The following TMEM132D variants were observed in gnomAD, a reference collection of about 807,000 sequenced individuals.
The protein encoded by TMEM132D is transmembrane protein 132D.
Under a neutral mutation model 62.3 loss-of-function variants are expected in TMEM132D, and 21 were observed. That is an observed-to-expected ratio of 0.34 (90% CI 0.24 to 0.49). The LOEUF (loss-of-function observed/expected upper bound fraction) is 0.49, where lower values mean the gene tolerates loss of function less well. TMEM132D is among the 20% of genes least tolerant of loss of function. The probability of loss-of-function intolerance (pLI) is 0.99; values close to 1 mark genes in which losing one functional copy is unlikely to be tolerated. For synonymous variants in TMEM132D, 621 were observed against 575.6 expected (o/e 1.08, Z -1.13); for missense variants, 1,346 against 1,402.8 (o/e 0.96, Z 0.65).
At chr12:129,749,783 G>T (rs1384895449) in intron 1 of TMEM132D, among the ~76,000 whole-genome samples, 1 of 152,022 alleles carries the variant, frequency 6.6e-6, no homozygotes, top group Non-Finnish European at 1.5e-5. Context: ...CTCTCTTAAT[G>T]GGTGAAACTT....
intron 1 of TMEM132D, among the ~76,000 whole-genome samples, chr12:129,877,577 G>A (rs1366212652): frequency 2.0e-5 from 3 of 151,970 alleles, no homozygotes; most frequent in Admixed American, 6.6e-5. Context: ...TGAGAATAGC[G>A]GCTTAATAAT....
chr12:129,679,510 C>G (rs553612382), intron 2 of TMEM132D, among the ~76,000 whole-genome samples: 29 of 152,066 alleles, frequency 1.9e-4, no homozygotes, highest in African/African-American at 7.0e-4. Context: ...AGAATGTATT[C>G]CTATATTGGA....
At chr12:129,413,624 T>C (rs12228833) in intron 3 of TMEM132D, among the ~76,000 whole-genome samples, 106,747 of 151,976 alleles carry the variant, frequency 0.7, 37,561 homozygotes, top group East Asian at 0.77. Flanking sequence ...GGCAAGCACC[T>C]TCCTAGTAAC....
At chr12:129,431,015 A>G (rs1204560423) in intron 3 of TMEM132D, among the ~76,000 whole-genome samples, 2 of 152,224 alleles carry the variant, frequency 1.3e-5, no homozygotes, top group African/African-American at 4.8e-5. Context: ...CAGTCAGCTG[A>G]GGCCCATTGG....
At chr12:129,239,999 A>C (rs1391065974) in intron 4 of TMEM132D, among the ~76,000 whole-genome samples, 1 of 152,108 alleles carries the variant, frequency 6.6e-6, no homozygotes, top group African/African-American at 2.4e-5. Context: ...GAAAAGGGAG[A>C]AATGGCTGTC....
chr12:129,164,775 C>T (rs953688317), intron 5 of TMEM132D, among the ~76,000 whole-genome samples: 1 of 152,158 alleles, frequency 6.6e-6, no homozygotes, highest in African/African-American at 2.4e-5. Context: ...CCCCATAATT[C>T]AATTACCTCC....
At chr12:129,852,969 C>T (rs75440102) in intron 1 of TMEM132D, 1 of 152,140 alleles carries the variant, frequency 6.6e-6, no homozygotes. Context: ...AATATCAAAT[C>T]TAAAATATTA....
intron 4 of TMEM132D, among the ~76,000 whole-genome samples, chr12:129,303,544 C>T (rs1448693584): frequency 2.0e-5 from 1 of 50,864 alleles, no homozygotes; most frequent in African/African-American, 8.5e-5. Context: ...CATCACTCGC[C>T]GGGACTCTGC....
chr12:129,863,723 C>T (rs541812114), intron 1 of TMEM132D, among the ~76,000 whole-genome samples: 15 of 152,134 alleles, frequency 9.9e-5, no homozygotes, highest in Admixed American at 6.5e-5. Flanking sequence ...TATATCCCCA[C>T]GATATTTTAA....
intron 1 of TMEM132D, among the ~76,000 whole-genome samples, chr12:129,701,609 G>A (rs527238046): frequency 3.3e-5 from 5 of 152,286 alleles, no homozygotes; most frequent in African/African-American, 1.2e-4. Context: ...CCCTCAGGGG[G>A]AGAAAAATCC....
intron 1 of TMEM132D, among the ~76,000 whole-genome samples, chr12:129,705,726 C>T (rs77702424): frequency 3.3e-5 from 5 of 152,258 alleles, no homozygotes; most frequent in African/African-American, 4.8e-5. Context: ...CAGATAAGCA[C>T]TGAAAACATT....
At chr12:129,250,929 G>A (rs867752366) in intron 4 of TMEM132D, among the ~76,000 whole-genome samples, 1 of 152,166 alleles carries the variant, frequency 6.6e-6, no homozygotes, top group Non-Finnish European at 1.5e-5. Context: ...AGGTGCGTAC[G>A]GTGGTATTGT....
In TMEM132D at chr12:129,640,059, T is replaced by C. The variant is rs73157283; in HGVS notation, c.968+59751A>G. On this transcript the variant is annotated intron_variant, in intron 2 of 8. Transcript: ENST00000422113. The stretch of plus-strand genomic sequence containing the variant: ...AAAACCACACGTGTGCACACACACA[T>C]ACACACACACACACACACACGTAGA... 2.0e-5 allele frequency among the ~76,000 whole-genome samples: 3 copies of C among 150,768 alleles called. No individual in the cohort carries two copies. The South Asian group carries it at 6.3e-4, about 32-fold the overall frequency.
intron 2 of TMEM132D, among the ~76,000 whole-genome samples, chr12:129,643,420 A>C (rs917259043): frequency 6.6e-6 from 1 of 152,182 alleles, no homozygotes; most frequent in Non-Finnish European, 1.5e-5. Context: ...ATGTGCTTAC[A>C]TATGTTCTCT....
intron 1 of TMEM132D, among the ~76,000 whole-genome samples, chr12:129,777,995 T>A (rs1219396324): frequency 2.7e-5 from 4 of 150,048 alleles, no homozygotes; most frequent in Non-Finnish European, 5.9e-5. Flanking sequence ...AATAGCTAGG[T>A]GTGTAATCCC....
chr12:129,662,609 A>G (rs1046864278), intron 2 of TMEM132D, among the ~76,000 whole-genome samples: 1 of 152,120 alleles, frequency 6.6e-6, no homozygotes, highest in Admixed American at 6.5e-5. Context: ...CCTGGCCAAC[A>G]CGGTGAAACC....
intron 2 of TMEM132D, among the ~76,000 whole-genome samples, chr12:129,642,555 G>A (rs1879666816): frequency 6.6e-6 from 1 of 152,136 alleles, no homozygotes; most frequent in African/African-American, 2.4e-5. Context: ...TCAGCTCCCA[G>A]TTCACTCCTA....
chr12:129,504,006 T>TC (rs1289976213), intron 3 of TMEM132D, among the ~76,000 whole-genome samples: 2 of 131,202 alleles, frequency 1.5e-5, no homozygotes, highest in Non-Finnish European at 1.6e-5. Flanking sequence ...TTGTCATCAT[T>TC]ACTGTCATCA....
chr12:129,456,574 C>G (rs542941466), intron 3 of TMEM132D, among the ~76,000 whole-genome samples: 2 of 152,290 alleles, frequency 1.3e-5, no homozygotes, highest in East Asian at 3.9e-4. Flanking sequence ...AAAAACTGTT[C>G]TTTGTTCACA....
Sources: gnomAD v4.1 joint callset for allele counts (sites outside exome capture counted in the v4.1 genomes callset) on GRCh38, gnomAD v4.1.1 for gene constraint, MANE v1.5 for transcripts, NCBI Gene and HGNC (gene_info 2026-07-23, HGNC 2026-07-21) for gene names.